Variants in PALS2 observed in about 807,000 individuals in gnomAD.
The protein encoded by PALS2 is protein associated with LIN7 2, MAGUK p55 family member.
In PALS2, 27 loss-of-function variants were observed where a neutral mutation model predicts 61.6. That is an observed-to-expected ratio of 0.44 (90% CI 0.32 to 0.60). The LOEUF is 0.60. PALS2 is among the 20% of genes least tolerant of loss of function. The pLI is 0.05. For missense variants in PALS2, 554 were observed against 639.4 expected (o/e 0.87, Z 1.44); for synonymous variants, 236 against 218.6 (o/e 1.08, Z -0.70).
At chr7:24,610,469 G>A (rs1384123343) in intron 1 of PALS2, among the ~76,000 whole-genome samples, 1 of 152,148 alleles carries the variant, frequency 6.6e-6, no homozygotes, top group East Asian at 1.9e-4. Context: ...CTAGCTGTGA[G>A]TAAATACCTA....
intron 8 of PALS2, 131 bp from the exon 9 acceptor site, chr7:24,668,368 T>C: frequency 1.3e-6 from 1 of 778,656 alleles, no homozygotes; most frequent in Non-Finnish European, 2.0e-6. Context: ...AAAACAAATC[T>C]ATGCTAAGTG....
intron 3 of PALS2, among the ~76,000 whole-genome samples, chr7:24,647,847 A>G (rs1417480368): frequency 6.6e-6 from 1 of 152,168 alleles, no homozygotes; most frequent in Admixed American, 6.5e-5. Flanking sequence ...TGATTTTCAA[A>G]TTGCCGTGAC....
intron 1 of PALS2, among the ~76,000 whole-genome samples, chr7:24,587,223 G>C (rs1783101724): frequency 6.6e-6 from 1 of 152,062 alleles, no homozygotes; most frequent in Non-Finnish European, 1.5e-5. Context: ...ACATTGGAAG[G>C]ACGAAGGACG....
chr7:24,613,285 A>G (rs1483924803), intron 1 of PALS2, among the ~76,000 whole-genome samples: 1 of 151,460 alleles, frequency 6.6e-6, no homozygotes, highest in Non-Finnish European at 1.5e-5. Context: ...TATTTGATCT[A>G]TTTCATTTTT....
Position 24,596,311 on chromosome 7 carries a change from C to T in PALS2, c.-3+22718C>T, listed in dbSNP as rs1783521840. ...GGGAGTCAGATGGCTTTTCTTCAGTCACCTCCATTGTGACCGAATTGAAGA... is the reference window on the plus strand; with the variant it reads ...GGGAGTCAGATGGCTTTTCTTCAGTTACCTCCATTGTGACCGAATTGAAGA... On this transcript the variant is annotated intron_variant, in intron 1 of 11. Coordinates refer to ENST00000222644, the MANE Select transcript of PALS2 (RefSeq NM_001303037.2). This position sits in a 1 kb window ranked among gnomAD's most constrained non-coding sequence, Gnocchi z 4.5. Among the ~76,000 whole-genome samples, 1 of 152,072 alleles carries T rather than the reference C, an allele frequency of 6.6e-6. No homozygotes were observed. The highest frequency in any genetic ancestry group is 1.5e-5 in the Non-Finnish European group (1 of 68,016).
intron 2 of PALS2, chr7:24,624,225 T>TTTAA (rs1784640977): frequency 1.1e-6 from 1 of 902,150 alleles, no homozygotes; most frequent in East Asian, 6.4e-5. Flanking sequence ...AGCCTGGTAT[T>TTTAA]TTAAGTCTGT....
intron 7 of PALS2, 104 bp from the exon 8 acceptor site, chr7:24,665,917 G>A: frequency 8.6e-7 from 1 of 1,157,494 alleles, no homozygotes; most frequent in Non-Finnish European, 1.2e-6. Flanking sequence ...TTCCTAGGAT[G>A]CCACATTGGG....
intron 8 of PALS2, among the ~76,000 whole-genome samples, chr7:24,667,867 CA>C (rs1787110285): frequency 6.6e-6 from 1 of 151,738 alleles, no homozygotes; most frequent in South Asian, 2.1e-4. Flanking sequence ...GAGGTTTCAC[CA>C]TGTTGGCCAG....
chr7:24,581,457 G>A (rs958188026), intron 1 of PALS2, among the ~76,000 whole-genome samples: 4 of 152,112 alleles, frequency 2.6e-5, no homozygotes, highest in Admixed American at 6.5e-5. Context: ...TTGTGGAGGG[G>A]GAGACTATTA....
At chr7:24,673,608 G>A (rs1787412662) in intron 9 of PALS2, among the ~76,000 whole-genome samples, 1 of 151,972 alleles carries the variant, frequency 6.6e-6, no homozygotes. Context: ...TTTAAAATCA[G>A]TTTCAGGATT....
chr7:24,588,337 CAAATATTTCT>C (rs1340946258), intron 1 of PALS2, among the ~76,000 whole-genome samples: 1 of 152,154 alleles, frequency 6.6e-6, no homozygotes, highest in Admixed American at 6.5e-5. Context: ...TTCAATTAGA[CAAATATTTCT>C]AAATATTTCT....
chr7:24,665,470 C>G, intron 6 of PALS2, 118 bp from the exon 7 acceptor site: 1 of 782,088 alleles, frequency 1.3e-6, no homozygotes, highest in Non-Finnish European at 2.1e-6. Context: ...ATTTAAATCT[C>G]AAGGTTGTTT....
chr7:24,670,893 A>C (rs1018050839), intron 9 of PALS2, among the ~76,000 whole-genome samples: 1 of 152,192 alleles, frequency 6.6e-6, no homozygotes, highest in African/African-American at 2.4e-5. Context: ...AGTGATTATT[A>C]TATGGCTATA....
intron 6 of PALS2, among the ~76,000 whole-genome samples, chr7:24,664,488 A>G (rs575327224): frequency 5.9e-5 from 9 of 152,270 alleles, no homozygotes; most frequent in African/African-American, 1.4e-4. Context: ...GAGTTTTACT[A>G]AAGAACAAGG....
intron 1 of PALS2, among the ~76,000 whole-genome samples, chr7:24,583,045 C>A (rs1218613107): frequency 6.6e-6 from 1 of 151,544 alleles, no homozygotes; most frequent in African/African-American, 2.4e-5. Flanking sequence ...CAGATGTGTG[C>A]CACCACGCCC....
At chr7:24,676,324 T>G (rs1324176830) in intron 9 of PALS2, among the ~76,000 whole-genome samples, 1 of 151,366 alleles carries the variant, frequency 6.6e-6, no homozygotes, top group Admixed American at 6.6e-5. Context: ...ATTTTGTAGG[T>G]TGCCTGTTCA....
chr7:24,641,662 C>G, intron 2 of PALS2, 54 bp from the exon 3 acceptor site: 1 of 1,411,318 alleles, frequency 7.1e-7, no homozygotes, highest in Non-Finnish European at 9.6e-7. Context: ...AAACCATGGT[C>G]TGGTGCAAAT....
At chr7:24,647,502 G>T (rs1785903311) in intron 3 of PALS2, among the ~76,000 whole-genome samples, 1 of 152,058 alleles carries the variant, frequency 6.6e-6, no homozygotes, top group African/African-American at 2.4e-5. Flanking sequence ...CTTCAGCTCA[G>T]CTCTAATTTT....
intron 2 of PALS2, among the ~76,000 whole-genome samples, chr7:24,627,170 C>G (rs535437961): frequency 1.3e-5 from 2 of 152,336 alleles, no homozygotes; most frequent in East Asian, 3.9e-4. Flanking sequence ...AAGAATCTCT[C>G]AGACCACAGT....
Sources: gnomAD v4.1 joint callset for allele counts (sites outside exome capture counted in the v4.1 genomes callset) on GRCh38, gnomAD v4.1.1 for gene constraint, Gnocchi (gnomAD v3.1) non-coding constraint, MANE v1.5 for transcripts, NCBI Gene and HGNC (gene_info 2026-07-23, HGNC 2026-07-21) for gene names.